Variants in DMRT1 observed in about 807,000 individuals in gnomAD.
DMRT1 encodes doublesex- and mab-3-related transcription factor 1.
Under a neutral mutation model 32.3 loss-of-function variants are expected in DMRT1, and 7 were observed. The observed-to-expected ratio is 0.22, with a 90% confidence interval of 0.12 to 0.41. The LOEUF is 0.41. DMRT1 is among the 10% of genes least tolerant of loss of function. The probability of loss-of-function intolerance (pLI) is 1.00; values close to 1 mark genes in which losing one functional copy is unlikely to be tolerated. For missense variants in DMRT1, 625 were observed against 500.5 expected (o/e 1.25, Z -2.37); for synonymous variants, 278 against 206.1 (o/e 1.35, Z -2.99).
intron 4 of DMRT1, among the ~76,000 whole-genome samples, chr9:943,211 C>T (rs1819134145): frequency 1.3e-5 from 2 of 152,210 alleles, no homozygotes; most frequent in South Asian, 4.1e-4. Context: ...CTGCAGAGTT[C>T]CTAGAGAGCC....
chr9:873,486 CT>C (rs111419496), intron 2 of DMRT1, among the ~76,000 whole-genome samples: 297 of 142,174 alleles, frequency 2.1e-3, no homozygotes, highest in Admixed American at 1.9e-3. Context: ...TTTGTATTTT[CT>C]TTTTTTTTTT....
chr9:893,279 C>G (rs926914985), intron 2 of DMRT1, among the ~76,000 whole-genome samples: 1 of 152,220 alleles, frequency 6.6e-6, no homozygotes, highest in African/African-American at 2.4e-5. Context: ...GGAAACTAGT[C>G]TTTGGGTTAG....
At position 841,781 on chromosome 9, in the gene DMRT1, G is replaced by T; in HGVS notation, c.-58G>T. 6.4e-7 allele frequency: 1 copy of T among 1,561,698 alleles called. No homozygotes were observed. Among genetic ancestry groups the T allele is most frequent in the Non-Finnish European group, 8.7e-7 (1 of 1,153,820 alleles). On this transcript the variant is annotated 5_prime_UTR_variant, in exon 1 of 5. Transcript: ENST00000382276. ...TCGCTGTCCGTCGGGTTCATCCCTC[G>T]CAGCAGTCTCCAGGCGAGAGAGGGG... is the stretch of plus-strand genomic sequence containing the variant.
At chr9:955,064 T>G (rs920362774) in intron 4 of DMRT1, among the ~76,000 whole-genome samples, 1 of 152,216 alleles carries the variant, frequency 6.6e-6, no homozygotes, top group East Asian at 1.9e-4. Flanking sequence ...AGAACCCAGT[T>G]CAGCAGTTGG....
intron 3 of DMRT1, among the ~76,000 whole-genome samples, chr9:908,120 C>T (rs1286703597): frequency 6.6e-6 from 1 of 152,018 alleles, no homozygotes; most frequent in African/African-American, 2.4e-5. Flanking sequence ...CAAGTGTAAT[C>T]CTGATATCCT....
At chr9:876,262 A>C (rs886556613) in intron 2 of DMRT1, among the ~76,000 whole-genome samples, 1 of 152,080 alleles carries the variant, frequency 6.6e-6, no homozygotes, top group African/African-American at 2.4e-5. Context: ...ATTTAGAGGG[A>C]GCTGCTTCCA....
At chr9:962,254 A>T (rs1206714730) in intron 4 of DMRT1, among the ~76,000 whole-genome samples, 3 of 152,054 alleles carry the variant, frequency 2.0e-5, no homozygotes, top group African/African-American at 7.2e-5. Context: ...AGGGTTTAGG[A>T]AGAGATGTCA....
chr9:961,783 T>C (rs983009296), intron 4 of DMRT1, among the ~76,000 whole-genome samples: 1 of 152,200 alleles, frequency 6.6e-6, no homozygotes. Flanking sequence ...AAAGCAAGAA[T>C]CTTCTCACAT....
intron 3 of DMRT1, among the ~76,000 whole-genome samples, chr9:899,419 C>T (rs1461637439): frequency 6.6e-6 from 1 of 152,168 alleles, no homozygotes; most frequent in Admixed American, 6.5e-5. Context: ...AAGTGCCAAA[C>T]CTCCTTAAAA....
chr9:849,880 G>A (rs1486418561), intron 2 of DMRT1, among the ~76,000 whole-genome samples: 1 of 152,074 alleles, frequency 6.6e-6, no homozygotes, highest in Admixed American at 6.5e-5. Context: ...GTGGAGGGCA[G>A]TGGTGCGATT....
chr9:864,879 C>G (rs1290636713), intron 2 of DMRT1, among the ~76,000 whole-genome samples: 1 of 134,994 alleles, frequency 7.4e-6, no homozygotes, highest in Non-Finnish European at 1.6e-5. Context: ...AAAGCTTCGA[C>G]TAAACCATTT....
At chr9:843,986 GAA>G (rs79611638) in intron 1 of DMRT1, among the ~76,000 whole-genome samples, 1 of 151,744 alleles carries the variant, frequency 6.6e-6, no homozygotes, top group East Asian at 1.9e-4. Flanking sequence ...TGAGTTTACT[GAA>G]AAAAATTAAT....
At chr9:844,022 C>A (rs7856704) in intron 1 of DMRT1, among the ~76,000 whole-genome samples, 1 of 151,794 alleles carries the variant, frequency 6.6e-6, no homozygotes. Context: ...ATACTCTGGG[C>A]AGAAAAATTC....
intron 2 of DMRT1, among the ~76,000 whole-genome samples, chr9:880,724 C>CAAA (rs754419367): frequency 1.6e-4 from 10 of 62,086 alleles, no homozygotes; most frequent in African/African-American, 4.1e-4. Context: ...AACTCAGTCT[C>CAAA]AAAAAAAAAA....
In DMRT1 at chr9:858,863, AAAAAAAAATATATAT is replaced by A. The variant is rs1338855460; in HGVS notation, c.538+11722_538+11736del. Reference sequence around the variant, plus strand: ...CACTCCAGTCTGTCTCAAAAAAAAAAAAAAAAAATATATATATATATATATATATATTTATCATTG... The same window carrying A: ...CACTCCAGTCTGTCTCAAAAAAAAAAATATATATATATATATTTATCATTG... On this transcript the variant is annotated intron_variant, in intron 2 of 4. Transcript: ENST00000382276. Among the ~76,000 whole-genome samples the A allele has an allele frequency of 8.9e-4, 92 of 103,150 alleles. 1 individual carries two copies. The highest frequency in any genetic ancestry group is 3.9e-3 in the African/African-American group (87 of 22,298). 67.7% of individuals were successfully genotyped at this position (103,150 alleles called of 152,430 possible). A position where few individuals can be genotyped will look rare whatever the true frequency, so the allele number is the denominator to read the frequency against.
chr9:865,649 A>G (rs1026417673), intron 2 of DMRT1, among the ~76,000 whole-genome samples: 2 of 152,174 alleles, frequency 1.3e-5, no homozygotes, highest in Middle Eastern at 6.3e-3. Flanking sequence ...AGATACAACA[A>G]GAATTACATC....
intron 2 of DMRT1, among the ~76,000 whole-genome samples, chr9:890,839 G>A (rs1817117978): frequency 6.6e-6 from 1 of 151,964 alleles, no homozygotes; most frequent in Non-Finnish European, 1.5e-5. Flanking sequence ...CTCATCCTCT[G>A]CAGTAGCTGG....
chr9:932,497 CTT>C (rs929668382), intron 4 of DMRT1, among the ~76,000 whole-genome samples: 3 of 152,204 alleles, frequency 2.0e-5, no homozygotes, highest in South Asian at 4.1e-4. Flanking sequence ...TTTGGAAGCA[CTT>C]TGACATAGAT....
chr9:881,903 C>G (rs1417618318), intron 2 of DMRT1, among the ~76,000 whole-genome samples: 2 of 152,206 alleles, frequency 1.3e-5, no homozygotes, highest in East Asian at 1.9e-4. Context: ...CAAACTGTCT[C>G]TGGTATCTTG....
Sources: gnomAD v4.1 joint callset for allele counts (sites outside exome capture counted in the v4.1 genomes callset) on GRCh38, gnomAD v4.1.1 for gene constraint, MANE v1.5 for transcripts, NCBI Gene and HGNC (gene_info 2026-07-23, HGNC 2026-07-21) for gene names.